NCKAP5: variants seen among roughly 807,000 people sequenced by gnomAD.
NCKAP5 encodes the protein nck-associated protein 5.
In NCKAP5, 92 loss-of-function variants were observed where a neutral mutation model predicts 167.0. That is an observed-to-expected ratio of 0.55 (90% CI 0.47 to 0.66). The LOEUF is 0.66. NCKAP5 is among the 30% of genes least tolerant of loss of function. The pLI, the probability that NCKAP5 is intolerant of heterozygous loss-of-function variation, is 0.00. For synonymous variants in NCKAP5, 891 were observed against 877.4 expected (o/e 1.02, Z -0.27); for missense variants, 2,378 against 2,315.0 (o/e 1.03, Z -0.56).
intron 6 of NCKAP5, among the ~76,000 whole-genome samples, chr2:133,049,609 G>A (rs1364859679): frequency 1.3e-5 from 2 of 150,780 alleles, no homozygotes; most frequent in African/African-American, 4.9e-5. Flanking sequence ...CACCTAAGCA[G>A]TCAGTGATCA....
intron 3 of NCKAP5, among the ~76,000 whole-genome samples, chr2:133,405,745 T>C (rs1369204137): frequency 1.3e-5 from 2 of 152,242 alleles, no homozygotes; most frequent in African/African-American, 2.4e-5. Context: ...CTGGCCTCTA[T>C]GCTTCTAGTC....
intron 5 of NCKAP5, among the ~76,000 whole-genome samples, chr2:133,141,352 T>C (rs1328472662): frequency 3.3e-5 from 5 of 151,800 alleles, no homozygotes; most frequent in Non-Finnish European, 7.4e-5. Context: ...TTTTTAAGGA[T>C]AGTACATTGT....
At chr2:133,348,792 C>T (rs980102017) in intron 3 of NCKAP5, among the ~76,000 whole-genome samples, 1 of 152,122 alleles carries the variant, frequency 6.6e-6, no homozygotes, top group Non-Finnish European at 1.5e-5. Context: ...TTTATTTTAT[C>T]AAGACTGTGA....
At chr2:132,820,463 T>G (rs571875663) in intron 11 of NCKAP5, among the ~76,000 whole-genome samples, 95 of 152,206 alleles carry the variant, frequency 6.2e-4, no homozygotes, top group Non-Finnish European at 1.0e-3. Flanking sequence ...CTCCTGAACT[T>G]GTGATCTGCC....
intron 5 of NCKAP5, among the ~76,000 whole-genome samples, chr2:133,177,243 C>A (rs1009573550): frequency 2.0e-5 from 3 of 151,034 alleles, no homozygotes; most frequent in African/African-American, 7.3e-5. Context: ...GTGATCACAG[C>A]GTTGTAAGGC....
At chr2:132,866,687 C>T (rs991094350) in intron 10 of NCKAP5, among the ~76,000 whole-genome samples, 1 of 152,088 alleles carries the variant, frequency 6.6e-6, no homozygotes, top group African/African-American at 2.4e-5. Flanking sequence ...AGCAGATTTG[C>T]CTTTGTGTCA....
intron 7 of NCKAP5, among the ~76,000 whole-genome samples, chr2:132,975,661 T>A (rs1050906954): frequency 6.6e-6 from 1 of 152,164 alleles, no homozygotes; most frequent in Admixed American, 6.5e-5. Context: ...TATGTCCTTG[T>A]AGCCCACGGG....
intron 2 of NCKAP5, among the ~76,000 whole-genome samples, chr2:133,545,419 G>C (rs1314992214): frequency 6.6e-6 from 1 of 152,124 alleles, no homozygotes; most frequent in Admixed American, 6.5e-5. Flanking sequence ...GGAAGCTGCT[G>C]TCCAAGGCAG....
intron 6 of NCKAP5, among the ~76,000 whole-genome samples, chr2:133,079,476 G>A (rs1432085510): frequency 1.3e-5 from 2 of 152,116 alleles, no homozygotes; most frequent in Non-Finnish European, 2.9e-5. Flanking sequence ...CAGCAGCAAT[G>A]TTATTGGAAG....
intron 9 of NCKAP5, among the ~76,000 whole-genome samples, chr2:132,876,589 A>C (rs899347518): frequency 6.6e-6 from 1 of 152,214 alleles, no homozygotes; most frequent in Non-Finnish European, 1.5e-5. Context: ...CAATGTGTGG[A>C]AATGGATTAT....
intron 4 of NCKAP5, among the ~76,000 whole-genome samples, chr2:133,274,063 C>A (rs1039432276): frequency 6.6e-6 from 1 of 151,466 alleles, no homozygotes; most frequent in Non-Finnish European, 1.5e-5. Flanking sequence ...AGACAAGGAT[C>A]CTTCCATCAC....
At chr2:132,934,040 T>C (rs1335731091) in intron 8 of NCKAP5, among the ~76,000 whole-genome samples, 2 of 152,314 alleles carry the variant, frequency 1.3e-5, no homozygotes, top group African/African-American at 4.8e-5. Context: ...TTGAGATCTT[T>C]GAAACAAGTA....
intron 4 of NCKAP5, among the ~76,000 whole-genome samples, chr2:133,226,281 T>A (rs1198428508): frequency 6.6e-6 from 1 of 152,084 alleles, no homozygotes; most frequent in Non-Finnish European, 1.5e-5. Flanking sequence ...ATGCTATCAA[T>A]CTATTCCACA....
the NCKAP5 span, among the ~76,000 whole-genome samples, chr2:133,589,354 G>A: frequency 2.0e-5 from 3 of 152,168 alleles, no homozygotes; most frequent in African/African-American, 7.2e-5. Context: ...AAATTGGAAA[G>A]ACAGAATCAT....
At position 133,509,257 on chromosome 2, in the gene NCKAP5, C is replaced by T. The variant is rs1006583230; in HGVS notation, c.69+8201G>A. Among the ~76,000 whole-genome samples the T allele has an allele frequency of 5.9e-5, 9 of 152,176 alleles. 1 individual carries two copies. The highest frequency in any genetic ancestry group is 5.2e-4 in the Admixed American group (8 of 15,274). On this transcript the variant is annotated intron_variant, in intron 3 of 19. Coordinates refer to ENST00000409261, the MANE Select transcript of NCKAP5 (RefSeq NM_207363.3). ...ATAAAATATATCAAAGAATTCAAAG[C>T]CCTGGAAGTCTTTTCATAAATCTCC...
chr2:132,938,490 G>A (rs760772421), intron 8 of NCKAP5, among the ~76,000 whole-genome samples: 2 of 152,136 alleles, frequency 1.3e-5, no homozygotes, highest in African/African-American at 2.4e-5. Flanking sequence ...ATGCCTGTCT[G>A]GCTACTGGCT....
chr2:132,831,069 G>C (rs1009604722), intron 11 of NCKAP5, among the ~76,000 whole-genome samples: 2 of 152,072 alleles, frequency 1.3e-5, no homozygotes, highest in African/African-American at 4.8e-5. Context: ...ACATTGTTCC[G>C]CAACTTCTTT....
intron 5 of NCKAP5, among the ~76,000 whole-genome samples, chr2:133,150,449 T>C (rs1055165345): frequency 1.3e-5 from 2 of 152,122 alleles, no homozygotes; most frequent in African/African-American, 4.8e-5. Context: ...GTTCTTTACC[T>C]CCAGGATTTC....
chr2:133,259,927 C>T (rs2088820546), intron 4 of NCKAP5, among the ~76,000 whole-genome samples: 1 of 152,106 alleles, frequency 6.6e-6, no homozygotes, highest in Middle Eastern at 3.2e-3. Flanking sequence ...GAAAAAAAGG[C>T]AGCTGGAAAT....
Sources: gnomAD v4.1 joint callset for allele counts (sites outside exome capture counted in the v4.1 genomes callset) on GRCh38, gnomAD v4.1.1 for gene constraint, MANE v1.5 for transcripts, NCBI Gene and HGNC (gene_info 2026-07-23, HGNC 2026-07-21) for gene names.